Variants in ANKRD24 observed in about 807,000 individuals in gnomAD.
ANKRD24 encodes the protein ankyrin repeat domain 24.
In ANKRD24, 109 loss-of-function variants were observed where a neutral mutation model predicts 127.8. The ratio of observed to expected loss-of-function variants is 0.85; its 90% CI spans 0.73 to 1.00. ANKRD24 has a LOEUF of 1.00. Among genes scored for constraint, ANKRD24 ranks in the 50% least tolerant of loss-of-function variants. The probability of loss-of-function intolerance (pLI) is 0.00; values close to 1 mark genes in which losing one functional copy is unlikely to be tolerated. For synonymous variants in ANKRD24, 743 were observed against 671.1 expected, an observed-to-expected ratio of 1.11 and a Z score of -1.66; for missense variants, 1,648 against 1,570.2, an observed-to-expected ratio of 1.05 and a Z score of -0.84.
At chr19:4,206,148 TAAATAAATA>T (rs1157831906) in intron 7 of ANKRD24, among the ~76,000 whole-genome samples, 1 of 12,862 alleles carries the variant, frequency 7.8e-5, no homozygotes, top group Non-Finnish European at 2.2e-4. Context: ...GTCTCAAAAA[TAAATAAATA>T]AATAAATAAA....
intron 11 of ANKRD24, 131 bp downstream of exon 11, chr19:4,208,932 A>T: frequency 1.2e-5 from 11 of 884,482 alleles, no homozygotes; most frequent in African/African-American, 1.7e-5. Context: ...TGCTACCTTC[A>T]GGGTATGCTG....
In ANKRD24 at chr19:4,217,749, G is replaced by A. The variant is rs548651465; in HGVS notation, c.2589G>A (p.Thr863=). Residue 863 remains threonine, a synonymous_variant, in exon 18 of 22, where the codon ACG becomes ACA. Coordinates refer to ENST00000318934, the MANE Select transcript of ANKRD24 (RefSeq NM_001393985.1). ...LREQLATARA[T]GEQQRTAAAE... is the part of the protein sequence containing the mutation. ...AGCAGCTGGCCACGGCCAGGGCCAC[G>A]GGGGAGCAGCAGCGCACGGCGGCCG... 1,072 of 1,299,238 alleles carry A rather than the reference G, an allele frequency of 8.3e-4. 5 individuals are homozygous for A. Among genetic ancestry groups the A allele is most frequent in the African/African-American group, 6.1e-3 (386 of 63,670 alleles). The allele number at this position is 1,299,238 out of a possible 1,614,324, so 80.5% of individuals were successfully genotyped here. A position where few individuals can be genotyped will look rare whatever the true frequency, so the allele number is the denominator to read the frequency against.
At position 4,195,230 on chromosome 19, in the gene ANKRD24, G is replaced by A. The variant is rs374456746; in HGVS notation, c.37-4453G>A. On this transcript the variant is annotated intron_variant, in intron 2 of 21. Transcript: ENST00000318934. The surrounding 1 kb of genome is among the most constrained non-coding windows in gnomAD (Gnocchi z 4.2). The stretch of plus-strand genomic sequence containing the variant: ...TGGGACTACAGGCGCCCACCACCAC[G>A]CCCGGCTAATTTTTTGTATTTTTAG... Among the ~76,000 whole-genome samples, 42 of 152,048 alleles carry A rather than the reference G, an allele frequency of 2.8e-4. No individual in the cohort carries two copies. Among genetic ancestry groups the A allele is most frequent in the East Asian group, 1.2e-3 (6 of 5,130 alleles).
At chr19:4,223,401 A>ATATATATATATATATATAT (rs1192232980) in intron 20 of ANKRD24, among the ~76,000 whole-genome samples, 1 of 53,344 alleles carries the variant, frequency 1.9e-5, no homozygotes, top group African/African-American at 9.5e-5. Flanking sequence ...ATATATATAT[A>ATATATATATATATATATAT]TTTTTTTTTT....
intron 21 of ANKRD24, 105 bp from the exon 22 acceptor site, chr19:4,224,323 G>T (rs1306060928): frequency 2.1e-6 from 3 of 1,430,492 alleles, no homozygotes; most frequent in African/African-American, 2.8e-5. Flanking sequence ...GAGCCCCCCT[G>T]TGTGCATTTC....
rs1455024849 is a variant in ANKRD24 at position 4,198,623 on chromosome 19, C to T, written c.37-1060C>T. On this transcript the variant is annotated intron_variant, in intron 2 of 21. Coordinates refer to ENST00000318934, the MANE Select transcript of ANKRD24 (RefSeq NM_001393985.1). This position sits in a 1 kb window ranked among gnomAD's most constrained non-coding sequence, Gnocchi z 6.1. ...CGTCCCCGGCTGACCTGGACCACCC[C>T]CCCATTCCAGACCCGGGAAAGATGG... The T allele has an allele frequency of 2.4e-6, 1 of 411,884 alleles. No individual in the cohort carries two copies. Among genetic ancestry groups the T allele is most frequent in the East Asian group, 3.6e-5 (1 of 27,788 alleles). 25.5% of individuals were successfully genotyped at this position (411,884 alleles called of 1,614,324 possible).
At chr19:4,202,305 C>T (rs545223820) in intron 6 of ANKRD24, among the ~76,000 whole-genome samples, 47 of 152,180 alleles carry the variant, frequency 3.1e-4, no homozygotes, top group African/African-American at 1.0e-3. Context: ...CGGTGGCTCA[C>T]GCCTGTAATC....
chr19:4,222,991 G>T (rs571611280), intron 20 of ANKRD24, among the ~76,000 whole-genome samples, 196 bp downstream of exon 20: 1 of 152,130 alleles, frequency 6.6e-6, no homozygotes, highest in South Asian at 2.1e-4. Flanking sequence ...CATCGCCCAG[G>T]CTGGAGTGCA....
Position 4,217,252 on chromosome 19 carries a change from G to C in ANKRD24, c.2092G>C (p.Glu698Gln). The C allele has an allele frequency of 1.3e-6, 2 of 1,586,362 alleles. No homozygotes were observed. The highest frequency in any genetic ancestry group is 1.7e-6 in the Non-Finnish European group (2 of 1,166,724). The change falls in exon 18 of 22, where the codon GAG becomes CAG. Residue 698 changes from glutamate to glutamine, a missense_variant. By Grantham distance (29) the Glu-to-Gln change is conservative. Coordinates refer to ENST00000318934, the MANE Select transcript of ANKRD24 (RefSeq NM_001393985.1). ...SATGVENPGVEATVPGISAGP... is the reference protein window; with the variant it reads ...SATGVENPGVQATVPGISAGP... ...CACAGGTGTGGAGAACCCAGGGGTAGAGGCCACGGTCCCGGGGATCTCTGC... is the reference window on the plus strand; with the variant it reads ...CACAGGTGTGGAGAACCCAGGGGTACAGGCCACGGTCCCGGGGATCTCTGC...
At chr19:4,209,998 G>C (rs1969615456) in intron 11 of ANKRD24, 60 bp from the exon 12 acceptor site, 2 of 1,034,878 alleles carry the variant, frequency 1.9e-6, no homozygotes, top group South Asian at 2.9e-5. Flanking sequence ...GTTTACTGTG[G>C]GGGAGGCTGG....
chr19:4,207,900 C>T lies in ANKRD24; in HGVS notation c.764C>T (p.Ala255Val), dbSNP rs1434891902. Residue 255 changes from alanine (A) to valine (V), a missense_variant, in exon 10 of 22, where the codon GCC (alanine) becomes GTC (valine). Transcript: ENST00000318934. ...ALGQDAAHYG[A>V]LAGDKLILHL... ...GGGCAGGACGCGGCTCACTATGGCG[C>T]CCTGGCGGGGGACAAACTCATCCTG... 14 of 1,556,820 alleles carry T rather than the reference C, an allele frequency of 9.0e-6. No individual in the cohort carries two copies. The highest frequency in any genetic ancestry group is 8.7e-6 in the Non-Finnish European group (10 of 1,153,126).
At chr19:4,186,814 G>A (rs547068988) in intron 2 of ANKRD24, among the ~76,000 whole-genome samples, 1 of 152,232 alleles carries the variant, frequency 6.6e-6, no homozygotes, top group African/African-American at 2.4e-5. Context: ...CGAGGATCCT[G>A]ATCTTTTGCT....
chr19:4,218,752 T>C (rs1021754111), intron 18 of ANKRD24, among the ~76,000 whole-genome samples: 1 of 133,526 alleles, frequency 7.5e-6, no homozygotes, highest in Non-Finnish European at 1.6e-5. Flanking sequence ...TCCCTTCCTT[T>C]CTTTTTTTTT....
In ANKRD24 at chr19:4,202,085, C is replaced by G; in HGVS notation, c.403C>G (p.Leu135Val). 1 of 1,613,826 alleles carries G rather than the reference C, an allele frequency of 6.2e-7. No individual in the cohort carries two copies. The highest frequency in any genetic ancestry group is 8.5e-7 in the Non-Finnish European group (1 of 1,179,782). Residue 135 changes from leucine (L) to valine (V), a missense_variant, in exon 6 of 22, where the codon CTG becomes GTG. Transcript: ENST00000318934. ...GCACCCACAGTGCTTGAAGCAACTACTGCAGGTCATTTACTGTCTTATCTC... is the reference window on the plus strand; with the variant it reads ...GCACCCACAGTGCTTGAAGCAACTAGTGCAGGTCATTTACTGTCTTATCTC... ...YGHPQCLKQL[L>V]QASCVVDVVD... is the part of the protein sequence containing the mutation.
rs778829101 is a variant in ANKRD24, at chr19:4,199,850, A to T, written c.124-25A>T. On this transcript the variant is annotated intron_variant, in intron 3 of 21. Transcript: ENST00000318934. This position sits in a 1 kb window ranked among gnomAD's most constrained non-coding sequence, Gnocchi z 5.2. ...AGGGGACAGCAGCCAACACTGCCCC[A>T]CGCACTTCTGGGCGTGCCCTGCAGA... is the stretch of plus-strand genomic sequence containing the variant. 2.1e-5 allele frequency: 32 copies of T among 1,554,412 alleles called. No individual in the cohort carries two copies. Among genetic ancestry groups the T allele is most frequent in the Non-Finnish European group, 2.8e-5 (32 of 1,149,158 alleles).
In ANKRD24 at chr19:4,200,143, C is replaced by A. The variant is rs746444011; in HGVS notation, c.315C>A (p.Gly105=). 1.4e-5 allele frequency: 22 copies of A among 1,607,358 alleles called. No individual in the cohort carries two copies. The highest frequency in any genetic ancestry group is 1.8e-5 in the Non-Finnish European group (21 of 1,177,244). ...ASCLEVMIAH[G]SNVMSADGAG... The stretch of plus-strand genomic sequence containing the variant: ...GTCTGGAGGTGATGATAGCTCATGG[C>A]AGCAATGTCATGAGCGCGGACGGGG... Residue 105 remains glycine, a synonymous_variant, in exon 5 of 22, where the codon GGC becomes GGA. Coordinates refer to ENST00000318934, the MANE Select transcript of ANKRD24 (RefSeq NM_001393985.1).
intron 7 of ANKRD24, chr19:4,206,960 C>T: frequency 2.0e-6 from 1 of 489,926 alleles, no homozygotes; most frequent in Non-Finnish European, 3.6e-6. Context: ...GGCTGGTTTG[C>T]AGTGGTGCCA....
At chr19:4,203,610 A>C (rs1033455785) in intron 7 of ANKRD24, among the ~76,000 whole-genome samples, 1 of 151,952 alleles carries the variant, frequency 6.6e-6, no homozygotes, top group Non-Finnish European at 1.5e-5. Context: ...CGGCCACTCA[A>C]AGTGCTGGAA....
At chr19:4,197,067 A>G (rs1968786412) in intron 2 of ANKRD24, among the ~76,000 whole-genome samples, 1 of 152,174 alleles carries the variant, frequency 6.6e-6, no homozygotes, top group African/African-American at 2.4e-5. Flanking sequence ...GCTGCCAGGT[A>G]GTACCTTGGC....
Sources: gnomAD v4.1 joint callset for allele counts (sites outside exome capture counted in the v4.1 genomes callset) on GRCh38, gnomAD v4.1.1 for gene constraint, Gnocchi (gnomAD v3.1) non-coding constraint, MANE v1.5 for transcripts, NCBI Gene and HGNC (gene_info 2026-07-23, HGNC 2026-07-21) for gene names.